WDR86: variants seen among roughly 807,000 people sequenced by gnomAD.
The protein encoded by WDR86 is WD repeat-containing protein 86.
WDR86 carries 30 observed loss-of-function variants against 36.5 expected under a neutral mutation model. That is an observed-to-expected ratio of 0.82 (90% CI 0.61 to 1.11). WDR86 has a LOEUF of 1.11. Among genes scored for constraint, WDR86 ranks in the 50% most tolerant of loss-of-function variants. The pLI, the probability that WDR86 is intolerant of heterozygous loss-of-function variation, is 0.00. For missense variants in WDR86, 545 were observed against 561.2 expected (o/e 0.97, Z 0.29); for synonymous variants, 255 against 252.9 (o/e 1.01, Z -0.08).
At position 151,381,529 on chromosome 7, in the gene WDR86, C is replaced by A. The variant is rs577423617; in HGVS notation, c.*53G>T. On this transcript the variant is annotated 3_prime_UTR_variant, in exon 6 of 6. Transcript: ENST00000334493. The surrounding 1 kb of genome is among the most constrained non-coding windows in gnomAD (Gnocchi z 4.8). ...CACCACCGCGGGTAGCAGGGCGGGGCGCTCTGGGAGCCGCTGGGTGTCTGG... is the reference window on the plus strand; with the variant it reads ...CACCACCGCGGGTAGCAGGGCGGGGAGCTCTGGGAGCCGCTGGGTGTCTGG... 19 of 1,410,592 alleles carry A rather than the reference C, an allele frequency of 1.3e-5. No homozygotes were observed. Among genetic ancestry groups the A allele is most frequent in the Non-Finnish European group, 1.7e-5 (19 of 1,094,208 alleles). 87.4% of individuals were successfully genotyped at this position (1,410,592 alleles called of 1,614,324 possible).
Position 151,381,764 on chromosome 7 carries a change from G to A in WDR86, c.967-18C>T, listed in dbSNP as rs1387677959. 3.3e-6 allele frequency: 5 copies of A among 1,492,812 alleles called. No individual in the cohort carries two copies. The highest frequency in any genetic ancestry group is 1.3e-5 in the South Asian group (1 of 75,356). 92.5% of individuals were successfully genotyped at this position (1,492,812 alleles called of 1,614,324 possible). On this transcript the variant is annotated intron_variant, in intron 5 of 5. Transcript: ENST00000334493. The surrounding 1 kb of genome is among the most constrained non-coding windows in gnomAD (Gnocchi z 4.8). ...CCGTGCACCTGCGGGCGCAGGGGCG[G>A]GCGTCACCGGTGACGCGGTAGGCGG...
chr7:151,395,700 T>A (rs1364680471), intron 3 of WDR86, 76 bp downstream of exon 3: 14 of 1,444,616 alleles, frequency 9.7e-6, no homozygotes. Flanking sequence ...GAATCACAGA[T>A]ACCCAGGGCA....
chr7:151,395,500 C>CGG (rs879256844), intron 3 of WDR86, among the ~76,000 whole-genome samples: 2,678 of 43,508 alleles, frequency 0.062, 44 homozygotes, highest in African/African-American at 0.084. Flanking sequence ...TTAGGACACA[C>CGG]ACACACACAC....
intron 4 of WDR86, 42 bp downstream of exon 4, chr7:151,385,046 C>T: frequency 1.3e-6 from 2 of 1,540,108 alleles, no homozygotes; most frequent in Non-Finnish European, 8.8e-7. Context: ...GAGGAGAAGC[C>T]AGGCTGGGGT....
At position 151,395,807 on chromosome 7, in the gene WDR86, C is replaced by A. The variant is rs1412099184; in HGVS notation, c.695G>T (p.Arg232Leu). The change falls in exon 3 of 6, where the codon CGG becomes CTG. Residue 232 changes from arginine (R) to leucine (L), a missense_variant. By Grantham distance (102) the Arg-to-Leu change is moderately radical. Transcript: ENST00000334493. The stretch of plus-strand genomic sequence containing the variant: ...ACAGATGACGGAGCCCCGGTGCTCC[C>A]GGAACACCCGCAGCTGCTCCCCACT... ...ILSGEQLRVF[R>L]EHRGSVICLE... The A allele has an allele frequency of 6.4e-7, 1 of 1,568,566 alleles. No homozygotes were observed. Among genetic ancestry groups the A allele is most frequent in the East Asian group, 2.4e-5 (1 of 42,068 alleles).
Position 151,409,290 on chromosome 7 carries a change from G to T in WDR86, c.163+137C>A. ...ACAGCCAGATGCTGGGCCCAGACAA[G>T]CGCTCTTCCGCTAGTGTGCCGGGAT... On this transcript the variant is annotated intron_variant, in intron 1 of 5. Transcript: ENST00000334493. This position sits in a 1 kb window ranked among gnomAD's most constrained non-coding sequence, Gnocchi z 5.2. 1 of 1,351,714 alleles carries T rather than the reference G, an allele frequency of 7.4e-7. No homozygotes were observed. Among genetic ancestry groups the T allele is most frequent in the Non-Finnish European group, 1.0e-6 (1 of 986,184 alleles). 83.7% of individuals were successfully genotyped at this position (1,351,714 alleles called of 1,614,324 possible).
intron 2 of WDR86, among the ~76,000 whole-genome samples, chr7:151,397,666 G>A (rs1206639076): frequency 4.4e-5 from 2 of 45,074 alleles, no homozygotes; most frequent in Non-Finnish European, 1.2e-4. Flanking sequence ...AGGGCATAGC[G>A]GGAGGAAGAG....
chr7:151,405,792 C>T lies in WDR86; in HGVS notation c.163+3635G>A, dbSNP rs1236498027. Among the ~76,000 whole-genome samples the T allele has an allele frequency of 6.6e-6, 1 of 152,194 alleles. No individual in the cohort carries two copies. The highest frequency in any genetic ancestry group is 1.9e-4 in the East Asian group (1 of 5,196). On this transcript the variant is annotated intron_variant, in intron 1 of 5. Coordinates refer to ENST00000334493, the MANE Select transcript of WDR86 (RefSeq NM_198285.3). The surrounding 1 kb of genome is among the most constrained non-coding windows in gnomAD (Gnocchi z 4.7). The stretch of plus-strand genomic sequence containing the variant: ...AGGCTTCACAGGGAGTCTCCTATGC[C>T]ACCGGCTCCCAGCAAATGGGAATGT...
Position 151,394,142 on chromosome 7 carries a change from A to C in WDR86, c.726+1634T>G, listed in dbSNP as rs563720725. 7.7e-4 allele frequency among the ~76,000 whole-genome samples: 117 copies of C among 152,284 alleles called. 1 individual carries two copies. The highest frequency in any genetic ancestry group is 2.1e-4 in the Non-Finnish European group (14 of 68,016). ...TTCCCCACGACGAGCTGCTCTCCCA[A>C]GCCCCTCATCTCGCTGCATTTGCTG... On this transcript the variant is annotated intron_variant, in intron 3 of 5. Transcript: ENST00000334493.
chr7:151,376,610 T>G (rs1289454597), downstream of WDR86: 1 of 1,580,800 alleles, frequency 6.3e-7, no homozygotes, highest in Non-Finnish European at 8.6e-7. Context: ...GGGCTGATGC[T>G]GTGACCCCTG....
chr7:151,386,610 C>T (rs1451493504), intron 3 of WDR86, among the ~76,000 whole-genome samples: 1 of 152,208 alleles, frequency 6.6e-6, no homozygotes, highest in East Asian at 1.9e-4. Context: ...TGCACTCAGA[C>T]CTCAGCCATC....
Position 151,409,988 on chromosome 7 carries a change from G to A in WDR86, c.-399C>T, listed in dbSNP as rs1486043009. 3 of 1,005,192 alleles carry A rather than the reference G, an allele frequency of 3.0e-6. No individual in the cohort carries two copies. Among genetic ancestry groups the A allele is most frequent in the Non-Finnish European group, 2.4e-6 (2 of 843,628 alleles). 62.3% of individuals were successfully genotyped at this position (1,005,192 alleles called of 1,614,324 possible). ...GGGGCTGGGGCGGGGAGAGGAACAC[G>A]GGAAGCCGAGCGCCCCGCGCCCTCC... is the stretch of plus-strand genomic sequence containing the variant. On this transcript the variant is annotated 5_prime_UTR_variant, in exon 1 of 6. Coordinates refer to ENST00000334493, the MANE Select transcript of WDR86 (RefSeq NM_198285.3). The surrounding 1 kb of genome is among the most constrained non-coding windows in gnomAD (Gnocchi z 5.2).
chr7:151,374,353 C>A, downstream of WDR86: 1 of 1,353,954 alleles, frequency 7.4e-7, no homozygotes, highest in Non-Finnish European at 1.0e-6. Flanking sequence ...TGGGCTGCCC[C>A]GTCATCCGGA....
chr7:151,409,405 G>A lies in WDR86; in HGVS notation c.163+22C>T. The A allele has an allele frequency of 6.4e-7, 1 of 1,554,624 alleles. No homozygotes were observed. ...CCGGTGAGCTGCGGCGAAGAGGTCA[G>A]GGAGGGAGTGGGAGGGTCTACCTTG... On this transcript the variant is annotated intron_variant, in intron 1 of 5. Transcript: ENST00000334493. The surrounding 1 kb of genome is among the most constrained non-coding windows in gnomAD (Gnocchi z 5.2).
chr7:151,376,651 T>C, downstream of WDR86: 1 of 1,611,348 alleles, frequency 6.2e-7, no homozygotes, highest in Non-Finnish European at 8.5e-7. Flanking sequence ...ACATGGGTTT[T>C]GATGCACTCG....
rs934552725 is a variant in WDR86 at position 151,398,149 on chromosome 7, T to C, written c.305+1951A>G. 2.6e-5 allele frequency among the ~76,000 whole-genome samples: 4 copies of C among 152,174 alleles called. No homozygotes were observed. In the East Asian group the frequency reaches 5.8e-4, roughly 22 times the overall value. On this transcript the variant is annotated intron_variant, in intron 2 of 5. Coordinates refer to ENST00000334493, the MANE Select transcript of WDR86 (RefSeq NM_198285.3). ...GCATATGTGTATATGTGCATGTGTG[T>C]TGTGTGCACAATGTGTGCCTGCATG...
rs961341269 is a variant in WDR86, at chr7:151,401,683, G to A, written c.164-1442C>T. ...GTCAATGTGACCTTACTTGGAAAGG[G>A]GTCTTTGTGGATGTGACGAGGTAAA... On this transcript the variant is annotated intron_variant, in intron 1 of 5. Coordinates refer to ENST00000334493, the MANE Select transcript of WDR86 (RefSeq NM_198285.3). This position sits in a 1 kb window ranked among gnomAD's most constrained non-coding sequence, Gnocchi z 4.3. 6.6e-6 allele frequency among the ~76,000 whole-genome samples: 1 copy of A among 152,080 alleles called. No homozygotes were observed. The highest frequency in any genetic ancestry group is 1.5e-5 in the Non-Finnish European group (1 of 68,010).
At chr7:151,391,055 C>T (rs1411633238) in intron 3 of WDR86, among the ~76,000 whole-genome samples, 1 of 152,266 alleles carries the variant, frequency 6.6e-6, no homozygotes, top group Non-Finnish European at 1.5e-5. Flanking sequence ...GGGTCCCCCT[C>T]CTGTGCTTCC....
intron 2 of WDR86, among the ~76,000 whole-genome samples, chr7:151,398,516 A>G (rs1164661747): frequency 6.8e-6 from 1 of 146,324 alleles, no homozygotes; most frequent in Admixed American, 6.8e-5. Flanking sequence ...GTGTATGTGT[A>G]AGTTTGTGTA....
Sources: gnomAD v4.1 joint callset for allele counts (sites outside exome capture counted in the v4.1 genomes callset) on GRCh38, gnomAD v4.1.1 for gene constraint, Gnocchi (gnomAD v3.1) non-coding constraint, MANE v1.5 for transcripts, NCBI Gene and HGNC (gene_info 2026-07-23, HGNC 2026-07-21) for gene names.